Variants in NCOA2 observed in about 807,000 individuals in gnomAD.
NCOA2 encodes the protein class E basic helix-loop-helix protein 75.
NCOA2 carries 21 observed loss-of-function variants against 145.1 expected under a neutral mutation model. The ratio of observed to expected loss-of-function variants is 0.14; its 90% CI spans 0.10 to 0.21. The LOEUF (loss-of-function observed/expected upper bound fraction) is 0.21, where lower values mean the gene tolerates loss of function less well. Ranked by LOEUF, NCOA2 falls within the 10% of genes least tolerant of loss-of-function variation. The pLI, the probability that NCOA2 is intolerant of heterozygous loss-of-function variation, is 1.00. For synonymous variants in NCOA2, 619 were observed against 637.5 expected, an observed-to-expected ratio of 0.97 and a Z score of 0.44; for missense variants, 1,472 against 1,837.6, an observed-to-expected ratio of 0.80 and a Z score of 3.64.
intron 2 of NCOA2, among the ~76,000 whole-genome samples, chr8:70,274,302 A>C (rs1323298487): frequency 6.6e-6 from 1 of 152,204 alleles, no homozygotes; most frequent in Non-Finnish European, 1.5e-5. Flanking sequence ...GTTCTCTGAT[A>C]CATATGAGCA....
chr8:70,441,804 GAAAGAAAGA>G, the NCOA2 span, among the ~76,000 whole-genome samples: 8 of 68,504 alleles, frequency 1.2e-4, no homozygotes, highest in Non-Finnish European at 3.1e-4. Flanking sequence ...AAGAAAGAAA[GAAAGAAAGA>G]AAGAAGAAAG....
At chr8:70,290,348 C>T (rs1826572559) in intron 2 of NCOA2, among the ~76,000 whole-genome samples, 1 of 151,990 alleles carries the variant, frequency 6.6e-6, no homozygotes, top group African/African-American at 2.4e-5. Context: ...GCCACCACAC[C>T]CGGCTAATTT....
chr8:70,376,811 T>C (rs1038673484), intron 1 of NCOA2, among the ~76,000 whole-genome samples: 1 of 152,198 alleles, frequency 6.6e-6, no homozygotes, highest in Non-Finnish European at 1.5e-5. Flanking sequence ...GTCAAAATCT[T>C]ACTCAGGTGT....
intron 1 of NCOA2, among the ~76,000 whole-genome samples, chr8:70,363,069 A>G (rs1810357094): frequency 8.9e-6 from 1 of 112,646 alleles, no homozygotes; most frequent in African/African-American, 3.5e-5. Context: ...CAGAGTTAAG[A>G]CTCTGTCTTT....
chr8:70,378,745 A>C (rs978830630), intron 1 of NCOA2, among the ~76,000 whole-genome samples: 2 of 125,142 alleles, frequency 1.6e-5, no homozygotes, highest in Non-Finnish European at 3.6e-5. Flanking sequence ...GGCTATGCTA[A>C]AAAAAAAAAA....
At chr8:70,406,778 C>CT (rs1425698072), upstream of NCOA2, among the ~76,000 whole-genome samples, 1 of 152,138 alleles carries the variant, frequency 6.6e-6, no homozygotes, top group East Asian at 1.9e-4. Context: ...AAAGTACTCA[C>CT]TTTTTTCATA....
At chr8:70,361,340 C>CAA (rs1586594953) in intron 1 of NCOA2, among the ~76,000 whole-genome samples, 1 of 151,618 alleles carries the variant, frequency 6.6e-6, no homozygotes, top group African/African-American at 2.4e-5. Context: ...ATTAAAAATA[C>CAA]AAAAAAATTA....
intron 5 of NCOA2, 85 bp downstream of exon 5, chr8:70,174,671 T>G: frequency 3.1e-6 from 4 of 1,294,374 alleles, no homozygotes; most frequent in Non-Finnish European, 4.5e-6. Context: ...GGATTCTCCT[T>G]AAATTATATT....
chr8:70,434,192 G>C, the NCOA2 span, among the ~76,000 whole-genome samples: 2 of 152,172 alleles, frequency 1.3e-5, no homozygotes, highest in Non-Finnish European at 2.9e-5. Context: ...AACCCACTCT[G>C]TAAGTTTCCT....
At chr8:70,318,993 G>A (rs1479945267) in intron 1 of NCOA2, among the ~76,000 whole-genome samples, 1 of 152,046 alleles carries the variant, frequency 6.6e-6, no homozygotes, top group African/African-American at 2.4e-5. Context: ...AAGGCAATAC[G>A]CCCTAAGCTC....
intron 13 of NCOA2, among the ~76,000 whole-genome samples, chr8:70,142,684 G>GT (rs1810580629): frequency 6.6e-6 from 1 of 152,120 alleles, no homozygotes; most frequent in Non-Finnish European, 1.5e-5. Flanking sequence ...GGGTGACAAA[G>GT]TAAGACTCTG....
At chr8:70,244,419 G>A (rs2134541599) in intron 2 of NCOA2, among the ~76,000 whole-genome samples, 1 of 152,164 alleles carries the variant, frequency 6.6e-6, no homozygotes, top group African/African-American at 2.4e-5. Context: ...ACAGTCTGAA[G>A]ATTAACTGTA....
intron 1 of NCOA2, among the ~76,000 whole-genome samples, chr8:70,368,354 C>T (rs1388945354): frequency 6.6e-6 from 1 of 151,922 alleles, no homozygotes; most frequent in Non-Finnish European, 1.5e-5. Context: ...AACCAAGAGG[C>T]AATTTATAAG....
upstream of NCOA2, among the ~76,000 whole-genome samples, chr8:70,407,235 ATT>A (rs1814797084): frequency 1.3e-5 from 2 of 152,378 alleles, no homozygotes; most frequent in African/African-American, 4.8e-5. Flanking sequence ...GAAATGTTTC[ATT>A]CTTATTGTTT....
chr8:70,354,020 T>C (rs1346742596), intron 1 of NCOA2, among the ~76,000 whole-genome samples: 1 of 152,158 alleles, frequency 6.6e-6, no homozygotes, highest in Non-Finnish European at 1.5e-5. Flanking sequence ...GTTGTAACTA[T>C]CAAATGAAAC....
At chr8:70,331,524 C>G (rs1465619226) in intron 1 of NCOA2, among the ~76,000 whole-genome samples, 1 of 151,940 alleles carries the variant, frequency 6.6e-6, no homozygotes, top group Non-Finnish European at 1.5e-5. Flanking sequence ...ACAGATATTC[C>G]TTACGTTAAA....
intron 7 of NCOA2, among the ~76,000 whole-genome samples, chr8:70,165,833 T>A (rs191493050): frequency 1.7e-4 from 26 of 152,286 alleles, no homozygotes; most frequent in African/African-American, 5.3e-4. Flanking sequence ...TCTTTTTTCT[T>A]TTCTGAGATG....
At chr8:70,347,306 G>A (rs937718131) in intron 1 of NCOA2, among the ~76,000 whole-genome samples, 12 of 152,114 alleles carry the variant, frequency 7.9e-5, no homozygotes, top group Middle Eastern at 3.4e-3. Context: ...CCAACGTGGT[G>A]AAACCCTGTC....
chr8:70,264,829 T>C (rs186734713), intron 2 of NCOA2, among the ~76,000 whole-genome samples: 15 of 150,642 alleles, frequency 1.0e-4, no homozygotes, highest in African/African-American at 3.5e-4. Flanking sequence ...ATAGATATTA[T>C]CACCAAAAAA....
Sources: gnomAD v4.1 joint callset for allele counts (sites outside exome capture counted in the v4.1 genomes callset) on GRCh38, gnomAD v4.1.1 for gene constraint, MANE v1.5 for transcripts, NCBI Gene and HGNC (gene_info 2026-07-23, HGNC 2026-07-21) for gene names.